The following PRKAR1A variants were observed in gnomAD, a reference collection of about 807,000 sequenced individuals.
PRKAR1A encodes protein kinase cAMP-dependent type I regulatory subunit alpha.
PRKAR1A carries 3 observed loss-of-function variants against 52.0 expected under a neutral mutation model. The ratio of observed to expected loss-of-function variants is 0.06; its 90% CI spans 0.03 to 0.15. The LOEUF (loss-of-function observed/expected upper bound fraction) is 0.15, where lower values mean the gene tolerates loss of function less well. Among genes scored for constraint, PRKAR1A ranks in the 10% least tolerant of loss-of-function variants. The pLI is 1.00. For missense variants in PRKAR1A, 240 were observed against 477.4 expected, an observed-to-expected ratio of 0.50 and a Z score of 4.63; for synonymous variants, 188 against 168.4, an observed-to-expected ratio of 1.12 and a Z score of -0.90.
chr17:68,471,647 G>T, the PRKAR1A span, among the ~76,000 whole-genome samples: 1 of 152,046 alleles, frequency 6.6e-6, no homozygotes, highest in African/African-American at 2.4e-5. Context: ...AGAGGGGGGA[G>T]GTCTTCGCCA....
the PRKAR1A span, among the ~76,000 whole-genome samples, chr17:68,423,908 G>A: frequency 6.6e-6 from 1 of 152,208 alleles, no homozygotes; most frequent in East Asian, 1.9e-4. The surrounding 1 kb of genome is among the most constrained non-coding windows in gnomAD (Gnocchi z 4.4). Context: ...TTTTATAGTA[G>A]TTACAGACTT....
the PRKAR1A span, among the ~76,000 whole-genome samples, chr17:68,476,293 G>T: frequency 1.3e-5 from 2 of 152,212 alleles, no homozygotes; most frequent in Non-Finnish European, 2.9e-5. Context: ...GCTAGAAGTT[G>T]TCATATTCTA....
chr17:68,464,382 G>A, the PRKAR1A span, among the ~76,000 whole-genome samples: 1 of 152,126 alleles, frequency 6.6e-6, no homozygotes, highest in African/African-American at 2.4e-5. Flanking sequence ...CTCTTACTGA[G>A]ATGCCTCATG....
the PRKAR1A span, among the ~76,000 whole-genome samples, chr17:68,456,562 G>A: frequency 1.4e-4 from 21 of 152,312 alleles, no homozygotes; most frequent in African/African-American, 4.8e-4. Context: ...ACACACTTCA[G>A]CCCAGCTCCC....
chr17:68,548,954 G>T (rs1270574690), intron 11 of PRKAR1A, among the ~76,000 whole-genome samples: 1 of 151,684 alleles, frequency 6.6e-6, no homozygotes, highest in Non-Finnish European at 1.5e-5. Flanking sequence ...GGATGGTCTT[G>T]ATCTCCTGAC....
intron 10 of PRKAR1A, 109 bp from the exon 11 acceptor site, chr17:68,530,168 T>G: frequency 6.6e-7 from 1 of 1,510,826 alleles, no homozygotes; most frequent in Non-Finnish European, 9.2e-7. Context: ...ACTCATTTAA[T>G]GAAATTACTG....
intron 11 of PRKAR1A, chr17:68,542,313 C>A: frequency 1.1e-6 from 1 of 933,154 alleles, no homozygotes; most frequent in Admixed American, 2.2e-5. Flanking sequence ...ATTGACTTTT[C>A]CAGAAGTGAG....
the PRKAR1A span, chr17:68,444,508 G>T: frequency 3.0e-5 from 48 of 1,613,724 alleles, no homozygotes; most frequent in African/African-American, 5.5e-4. Context: ...GGGTTTGCAG[G>T]AATATCCAGG....
chr17:68,456,075 A>G, the PRKAR1A span, among the ~76,000 whole-genome samples: 1 of 152,256 alleles, frequency 6.6e-6, no homozygotes, highest in Admixed American at 6.5e-5. Context: ...AGAAAATTGC[A>G]CATGATATTT....
At chr17:68,526,759 C>T (rs990394841) in intron 7 of PRKAR1A, among the ~76,000 whole-genome samples, 10 of 152,154 alleles carry the variant, frequency 6.6e-5, no homozygotes, top group African/African-American at 1.7e-4. Flanking sequence ...AACACTGGGG[C>T]CTACTTGAGG....
chr17:68,542,140 C>G (rs1045057742), intron 11 of PRKAR1A: 7 of 1,614,024 alleles, frequency 4.3e-6, no homozygotes, highest in Non-Finnish European at 5.9e-6. Flanking sequence ...TGTATGGACA[C>G]TTGGCGAAGA....
At chr17:68,541,018 TC>T (rs964743559) in intron 11 of PRKAR1A, 1 of 1,546,880 alleles carries the variant, frequency 6.5e-7, no homozygotes, top group Non-Finnish European at 8.7e-7. Flanking sequence ...GTCGGGGGTC[TC>T]CCCACACCTC....
intron 11 of PRKAR1A, among the ~76,000 whole-genome samples, chr17:68,550,383 TTTTTTTTTTTTTTA>T (rs1029758645): frequency 3.7e-5 from 5 of 136,396 alleles, no homozygotes; most frequent in African/African-American, 1.5e-4. Flanking sequence ...TTTTTTTTTT[TTTTTTTTTTTTTTA>T]AGATAGAGAG....
the PRKAR1A span, among the ~76,000 whole-genome samples, chr17:68,496,198 C>T: frequency 6.1e-5 from 9 of 147,320 alleles, no homozygotes; most frequent in Admixed American, 1.4e-4. Context: ...TGTACCACCA[C>T]GCCTGGCTAA....
upstream of PRKAR1A, chr17:68,511,679 C>T (rs2085267255): frequency 6.6e-6 from 1 of 152,268 alleles, no homozygotes; most frequent in South Asian, 2.1e-4. Flanking sequence ...GGAGAGCGGC[C>T]CCAGCGGAGA....
chr17:68,482,061 C>G, the PRKAR1A span, among the ~76,000 whole-genome samples: 2 of 152,040 alleles, frequency 1.3e-5, no homozygotes, highest in Non-Finnish European at 2.9e-5. Flanking sequence ...GCTGTGTGTT[C>G]CAGTGGGGGA....
At chr17:68,472,242 G>A in the PRKAR1A span, among the ~76,000 whole-genome samples, 2 of 152,130 alleles carry the variant, frequency 1.3e-5, no homozygotes, top group African/African-American at 2.4e-5. Context: ...CATTCAGGAT[G>A]GCTCCAGCCT....
At chr17:68,506,537 G>A in the PRKAR1A span, among the ~76,000 whole-genome samples, 1 of 151,802 alleles carries the variant, frequency 6.6e-6, no homozygotes, top group South Asian at 2.1e-4. Context: ...AGGCTGGAGT[G>A]TAGTGGCCCG....
chr17:68,415,510 A>G, the PRKAR1A span, among the ~76,000 whole-genome samples: 1 of 152,170 alleles, frequency 6.6e-6, no homozygotes, highest in African/African-American at 2.4e-5. Context: ...GTTGGTTGGA[A>G]TGTTCTGTAT....
Sources: allele counts gnomAD v4.1 joint callset (sites outside exome capture counted in the v4.1 genomes callset), GRCh38; gene constraint gnomAD v4.1.1; non-coding constraint Gnocchi (gnomAD v3.1); transcripts MANE v1.5; gene names NCBI Gene and HGNC (gene_info 2026-07-23, HGNC 2026-07-21).